The following LDB3 variants were observed in gnomAD, a reference collection of about 807,000 sequenced individuals.
LDB3 encodes LIM domain binding 3.
LDB3 carries 49 observed loss-of-function variants against 69.0 expected under a neutral mutation model. The ratio of observed to expected loss-of-function variants is 0.71; its 90% CI spans 0.56 to 0.90. The LOEUF (loss-of-function observed/expected upper bound fraction) is 0.90. Among genes scored for constraint, LDB3 ranks in the 40% least tolerant of loss-of-function variants. LDB3 has a pLI of 0.00. For synonymous variants in LDB3, 387 were observed against 396.2 expected (o/e 0.98, Z 0.28); for missense variants, 928 against 974.1 (o/e 0.95, Z 0.63).
chr10:86,731,698 G>A (rs1003942154), intron 13 of LDB3, among the ~76,000 whole-genome samples: 6 of 152,104 alleles, frequency 3.9e-5, no homozygotes, highest in Admixed American at 1.3e-4. Context: ...TGGCATTACT[G>A]GGTTACAGGG....
chr10:86,692,035 A>G lies in LDB3; in HGVS notation c.829A>G (p.Ile277Val), dbSNP rs78680509. 1 of 1,614,130 alleles carries G rather than the reference A, an allele frequency of 6.2e-7. No homozygotes were observed. The highest frequency in any genetic ancestry group is 8.5e-7 in the Non-Finnish European group (1 of 1,180,046). ...SSNLQSRSFR[I>V]LAQMTGTEFM... ...CAACCTGCAGTCTCGCTCCTTCCGC[A>G]TCCTGGCCCAGATGACGGGGACAGA... Residue 277 changes from isoleucine (I) to valine (V), a missense_variant, in exon 6 of 14, where the codon ATC (isoleucine) becomes GTC (valine). By Grantham distance (29) the Ile-to-Val change is conservative (BLOSUM62 3). Coordinates refer to ENST00000361373, the MANE Select transcript of LDB3 (RefSeq NM_007078.3).
rs2132320735 is a variant in LDB3 at position 86,668,801 on chromosome 10, A to G, written c.93+17A>G. On this transcript the variant is annotated intron_variant, in intron 2 of 13. Coordinates refer to ENST00000361373, the MANE Select transcript of LDB3 (RefSeq NM_007078.3). ...ATCTCCCGGGTGAGTGCACCCTGCC[A>G]CAGCCTGGCACCCGATGGGGCAGGC... 6.3e-7 allele frequency: 1 copy of G among 1,594,198 alleles called. No individual in the cohort carries two copies. Among genetic ancestry groups the G allele is most frequent in the Non-Finnish European group, 8.6e-7 (1 of 1,162,852 alleles).
chr10:86,708,408 G>A (rs554500320), intron 8 of LDB3, among the ~76,000 whole-genome samples: 1 of 152,218 alleles, frequency 6.6e-6, no homozygotes, highest in Non-Finnish European at 1.5e-5. Context: ...CATGGCTTCA[G>A]AATTTTCAAT....
At chr10:86,680,689 CA>C (rs111775171) in intron 4 of LDB3, among the ~76,000 whole-genome samples, 29,869 of 152,158 alleles carry the variant, frequency 0.2, 3,219 homozygotes, top group Admixed American at 0.28. Flanking sequence ...ATGGCAGGCA[CA>C]GGGGAGAAGG....
At position 86,718,102 on chromosome 10, in the gene LDB3, C is replaced by G; in HGVS notation, c.1815C>G (p.Phe605Leu). Reference sequence around the variant, plus strand: ...ACTGTGAGCGATGTTATGAGCAATTCTTTGCCCCGCTGTGTGCCAAGTGCA... The same window carrying G: ...ACTGTGAGCGATGTTATGAGCAATTGTTTGCCCCGCTGTGTGCCAAGTGCA... ...NVYCERCYEQ[F>L]FAPLCAKCNT... Residue 605 changes from phenylalanine (F) to leucine (L), a missense_variant, in exon 11 of 14, where the codon TTC becomes TTG. Transcript: ENST00000361373. 6.2e-7 allele frequency: 1 copy of G among 1,614,154 alleles called. No homozygotes were observed. The highest frequency in any genetic ancestry group is 8.5e-7 in the Non-Finnish European group (1 of 1,180,038).
intron 5 of LDB3, chr10:86,687,361 C>T: frequency 7.5e-7 from 1 of 1,330,452 alleles, no homozygotes; most frequent in South Asian, 1.2e-5. Flanking sequence ...AGCTTTCTTC[C>T]CTCACGTTGG....
At position 86,699,143 on chromosome 10, in the gene LDB3, C is replaced by A; in HGVS notation, c.896+6572C>A. 1 of 1,061,786 alleles carries A rather than the reference C, an allele frequency of 9.4e-7. No homozygotes were observed. 65.8% of individuals were successfully genotyped at this position (1,061,786 alleles called of 1,614,324 possible). On this transcript the variant is annotated intron_variant, in intron 7 of 13. Transcript: ENST00000361373. This position sits in a 1 kb window ranked among gnomAD's most constrained non-coding sequence, Gnocchi z 4.9. Reference sequence around the variant, plus strand: ...CCAAGCCCGTTCCCTCCCTCCCATGCCCTCTGCCCCACCTGTTAGACAGGG... The same window carrying A: ...CCAAGCCCGTTCCCTCCCTCCCATGACCTCTGCCCCACCTGTTAGACAGGG...
chr10:86,676,074 C>T (rs981170072), intron 2 of LDB3, among the ~76,000 whole-genome samples: 3 of 152,220 alleles, frequency 2.0e-5, no homozygotes, highest in Admixed American at 1.3e-4. Flanking sequence ...GGGGTAAGGG[C>T]TATGTGTATT....
chr10:86,733,257 G>GA lies in LDB3; in HGVS notation c.*285dup. The GA allele has an allele frequency of 2.4e-6, 1 of 410,954 alleles. No individual in the cohort carries two copies. 25.5% of individuals were successfully genotyped at this position (410,954 alleles called of 1,614,324 possible). ...AGCAGAATTCCAAGAACTCAAAAGTGAAAAGCAACAAGCAGCTTTCCCAAA... is the reference window on the plus strand; with the variant it reads ...AGCAGAATTCCAAGAACTCAAAAGTGAAAAAGCAACAAGCAGCTTTCCCAAA... On this transcript the variant is annotated 3_prime_UTR_variant, in exon 14 of 14. Coordinates refer to ENST00000361373, the MANE Select transcript of LDB3 (RefSeq NM_007078.3).
intron 7 of LDB3, among the ~76,000 whole-genome samples, chr10:86,697,269 T>A (rs1846043241): frequency 7.3e-6 from 1 of 137,730 alleles, no homozygotes; most frequent in Non-Finnish European, 1.5e-5. Flanking sequence ...TCTCCAAGGC[T>A]GGAGTGCAGT....
At chr10:86,676,702 C>T (rs1436295388) in intron 2 of LDB3, among the ~76,000 whole-genome samples, 1 of 152,212 alleles carries the variant, frequency 6.6e-6, no homozygotes, top group African/African-American at 2.4e-5. Flanking sequence ...GCAGTGTTTC[C>T]GTGACCCGTA....
chr10:86,685,781 T>G (rs1589631956), intron 5 of LDB3: 1 of 1,506,662 alleles, frequency 6.6e-7, no homozygotes, highest in Non-Finnish European at 9.2e-7. Context: ...GTGGATAGAG[T>G]GTGCCTGCTG....
chr10:86,727,224 G>T (rs1463270611), intron 13 of LDB3, among the ~76,000 whole-genome samples: 1 of 151,860 alleles, frequency 6.6e-6, no homozygotes, highest in Non-Finnish European at 1.5e-5. Context: ...ATTTCACCAT[G>T]TTGGCCAGAC....
rs1846861895 is a variant in LDB3, at chr10:86,716,194, C to T, written c.1232-133C>T. ...GCCATCAAGAAGTTCAGGAACAAGTCTCCCAAAAAAACTGAAATTGTACTG... is the reference window on the plus strand; with the variant it reads ...GCCATCAAGAAGTTCAGGAACAAGTTTCCCAAAAAAACTGAAATTGTACTG... On this transcript the variant is annotated intron_variant, in intron 9 of 13. Transcript: ENST00000361373. The T allele has an allele frequency of 3.9e-6, 4 of 1,016,774 alleles. No individual in the cohort carries two copies. In the Admixed American group the frequency reaches 7.1e-5, roughly 18 times the overall value. 63.0% of individuals were successfully genotyped at this position (1,016,774 alleles called of 1,614,324 possible). A position where few individuals can be genotyped will look rare whatever the true frequency, so the allele number is the denominator to read the frequency against.
intron 7 of LDB3, among the ~76,000 whole-genome samples, chr10:86,703,493 T>C (rs543600897): frequency 6.6e-6 from 1 of 152,344 alleles, no homozygotes; most frequent in East Asian, 1.9e-4. Context: ...AGGGAAGACC[T>C]GGGCAGGATG....
intron 13 of LDB3, chr10:86,726,504 T>C: frequency 1.9e-6 from 1 of 515,616 alleles, no homozygotes; most frequent in Non-Finnish European, 3.5e-6. Context: ...TCCCAGGGTT[T>C]GGCAAACCAG....
chr10:86,735,844 G>A lies in LDB3; in HGVS notation c.*2868G>A, dbSNP rs1044101196. On this transcript the variant is annotated 3_prime_UTR_variant, in exon 14 of 14. Transcript: ENST00000361373. ...TGCAATGGAGTGACTTATATCTGCA[G>A]CTTATATCTGCAGTGTTTGTGTTAG... 2 of 150,908 alleles carry A rather than the reference G, an allele frequency of 1.3e-5. No homozygotes were observed. The highest frequency in any genetic ancestry group is 2.9e-5 in the Non-Finnish European group (2 of 67,864). 9.3% of individuals were successfully genotyped at this position (150,908 alleles called of 1,614,324 possible). A position where few individuals can be genotyped will look rare whatever the true frequency, so the allele number is the denominator to read the frequency against.
intron 9 of LDB3, among the ~76,000 whole-genome samples, chr10:86,711,685 C>CG (rs1206683543): frequency 6.6e-6 from 1 of 151,566 alleles, no homozygotes; most frequent in Non-Finnish European, 1.5e-5. Flanking sequence ...GGGCCGAGGG[C>CG]GGCGTTCGCA....
intron 12 of LDB3, among the ~76,000 whole-genome samples, chr10:86,720,963 C>G (rs1847062206): frequency 1.3e-5 from 2 of 152,148 alleles, no homozygotes; most frequent in South Asian, 4.1e-4. Context: ...CATCCGCTAC[C>G]ATGCCTAGCT....
Sources: allele counts gnomAD v4.1 joint callset (sites outside exome capture counted in the v4.1 genomes callset), GRCh38; gene constraint gnomAD v4.1.1; non-coding constraint Gnocchi (gnomAD v3.1); transcripts MANE v1.5; gene names NCBI Gene and HGNC (gene_info 2026-07-23, HGNC 2026-07-21).